Variants in GRM3 observed in about 807,000 individuals in gnomAD.
GRM3 encodes the protein glutamate metabotropic receptor 3, also known as metabotropic glutamate receptor 3.
In GRM3, 26 loss-of-function variants were observed where a neutral mutation model predicts 70.5. The ratio of observed to expected loss-of-function variants is 0.37; its 90% confidence interval spans 0.27 to 0.51. The LOEUF is 0.51. GRM3 is among the 20% of genes least tolerant of loss of function. The probability of loss-of-function intolerance (pLI) is 0.93; values close to 1 mark genes in which losing one functional copy is unlikely to be tolerated. For missense variants in GRM3, 859 were observed against 1,123.8 expected (o/e 0.76, Z 3.37); for synonymous variants, 443 against 434.9 (o/e 1.02, Z -0.23).
chr7:86,768,659 A>G (rs753876605), intron 2 of GRM3, among the ~76,000 whole-genome samples: 1 of 152,146 alleles, frequency 6.6e-6, no homozygotes, highest in Non-Finnish European at 1.5e-5. Context: ...GAAGAGGCCA[A>G]TCAGAAAACT....
intron 1 of GRM3, among the ~76,000 whole-genome samples, chr7:86,763,484 T>C (rs1796529613): frequency 6.6e-6 from 1 of 152,150 alleles, no homozygotes; most frequent in Non-Finnish European, 1.5e-5. Context: ...CATAGGTTCA[T>C]GTGTGCATGC....
intron 1 of GRM3, among the ~76,000 whole-genome samples, chr7:86,754,860 A>C (rs1796307632): frequency 6.6e-6 from 1 of 152,060 alleles, no homozygotes; most frequent in Admixed American, 6.6e-5. Flanking sequence ...TTGGCTCTGC[A>C]TTTCTCTGTG....
intron 1 of GRM3, among the ~76,000 whole-genome samples, chr7:86,762,241 TA>T (rs1796497354): frequency 6.6e-6 from 1 of 152,114 alleles, no homozygotes; most frequent in Non-Finnish European, 1.5e-5. Flanking sequence ...TTATTATTAT[TA>T]GACTTTCTGG....
At chr7:86,819,958 T>A (rs1286881374) in intron 3 of GRM3, among the ~76,000 whole-genome samples, 3 of 152,188 alleles carry the variant, frequency 2.0e-5, no homozygotes, top group Admixed American at 2.0e-4. Flanking sequence ...ATATCCTTTC[T>A]ACCTTTCCAA....
intron 1 of GRM3, among the ~76,000 whole-genome samples, chr7:86,745,552 T>A (rs1796082247): frequency 6.6e-6 from 1 of 152,092 alleles, no homozygotes; most frequent in Non-Finnish European, 1.5e-5. Flanking sequence ...CCACATAGTC[T>A]CACTAAGCCT....
intron 1 of GRM3, among the ~76,000 whole-genome samples, chr7:86,733,236 C>G (rs1795779179): frequency 6.6e-6 from 1 of 151,768 alleles, no homozygotes; most frequent in African/African-American, 2.4e-5. Context: ...ATGGCAGGAA[C>G]CCAGGAGGTG....
chr7:86,814,359 T>C (rs1002814975), intron 3 of GRM3, among the ~76,000 whole-genome samples: 2 of 151,784 alleles, frequency 1.3e-5, no homozygotes, highest in Admixed American at 6.6e-5. Flanking sequence ...ATATTTGTTG[T>C]CTTTTATCTC....
At chr7:86,826,109 A>G (rs1257591251) in intron 3 of GRM3, among the ~76,000 whole-genome samples, 1 of 152,232 alleles carries the variant, frequency 6.6e-6, no homozygotes, top group Non-Finnish European at 1.5e-5. Context: ...ACTATATGAC[A>G]GTCACATTAA....
chr7:86,751,699 C>T (rs889107525), intron 1 of GRM3, among the ~76,000 whole-genome samples: 5 of 152,080 alleles, frequency 3.3e-5, no homozygotes, highest in Non-Finnish European at 5.9e-5. Flanking sequence ...TTGTCATTTA[C>T]ACCCAGACTC....
intron 3 of GRM3, among the ~76,000 whole-genome samples, chr7:86,792,446 G>A (rs1056526635): frequency 6.6e-6 from 1 of 152,122 alleles, no homozygotes; most frequent in East Asian, 1.9e-4. Context: ...TGTCACGTAG[G>A]CATTATCTCA....
At chr7:86,808,639 G>C (rs1797846921) in intron 3 of GRM3, among the ~76,000 whole-genome samples, 1 of 151,968 alleles carries the variant, frequency 6.6e-6, no homozygotes, top group Non-Finnish European at 1.5e-5. Context: ...TGTTAGAATT[G>C]GGGTGGAGGG....
intron 5 of GRM3, among the ~76,000 whole-genome samples, chr7:86,855,588 G>A (rs553875830): frequency 1.9e-4 from 29 of 152,172 alleles, no homozygotes; most frequent in Non-Finnish European, 3.1e-4. Flanking sequence ...AGGTGGTAAT[G>A]TGTGAACTGT....
Position 86,765,036 on chromosome 7 carries a change from C to G in GRM3, c.-110C>G. On this transcript the variant is annotated 5_prime_UTR_variant, in exon 2 of 6. Transcript: ENST00000361669. Reference sequence around the variant, plus strand: ...TTGTGACAGGCTCTGTTAGTCTGTTCCTCCCTTATTTGAAGGACAGGCCAA... The same window carrying G: ...TTGTGACAGGCTCTGTTAGTCTGTTGCTCCCTTATTTGAAGGACAGGCCAA... 6.7e-7 allele frequency: 1 copy of G among 1,487,408 alleles called. No individual in the cohort carries two copies. The highest frequency in any genetic ancestry group is 8.9e-7 in the Non-Finnish European group (1 of 1,127,020). 92.1% of individuals were successfully genotyped at this position (1,487,408 alleles called of 1,614,324 possible).
intron 1 of GRM3, among the ~76,000 whole-genome samples, chr7:86,737,179 C>T (rs1026750012): frequency 1.3e-5 from 2 of 152,118 alleles, no homozygotes; most frequent in African/African-American, 4.8e-5. Flanking sequence ...GAGATAAAGA[C>T]CTAGGTCTGA....
At chr7:86,832,245 CTTTTT>C (rs371453726) in intron 3 of GRM3, among the ~76,000 whole-genome samples, 3 of 112,342 alleles carry the variant, frequency 2.7e-5, no homozygotes, top group South Asian at 2.8e-4. Context: ...TGCTTGTAGC[CTTTTT>C]TTTTTTTTTT....
At chr7:86,761,342 C>G (rs183789946) in intron 1 of GRM3, among the ~76,000 whole-genome samples, 1 of 152,072 alleles carries the variant, frequency 6.6e-6, no homozygotes, top group African/African-American at 2.4e-5. Flanking sequence ...CTACATCTCT[C>G]CTGGCTTCCT....
intron 1 of GRM3, among the ~76,000 whole-genome samples, chr7:86,678,972 T>G (rs1794373660): frequency 6.6e-6 from 1 of 152,100 alleles, no homozygotes; most frequent in Admixed American, 6.6e-5. Flanking sequence ...TTCACATAGC[T>G]TTTGGAAAAG....
chr7:86,722,179 A>G (rs922837814), intron 1 of GRM3, among the ~76,000 whole-genome samples: 27 of 152,064 alleles, frequency 1.8e-4, no homozygotes, highest in African/African-American at 6.3e-4. Context: ...TTGATTCATT[A>G]TATCTTGGGT....
intron 3 of GRM3, among the ~76,000 whole-genome samples, chr7:86,797,914 G>C (rs1797590013): frequency 6.6e-6 from 1 of 152,168 alleles, no homozygotes. Context: ...GCTAAAAGGG[G>C]CCAATGTAGA....
Sources: allele counts gnomAD v4.1 joint callset (sites outside exome capture counted in the v4.1 genomes callset), GRCh38; gene constraint gnomAD v4.1.1; transcripts MANE v1.5; gene names NCBI Gene and HGNC (gene_info 2026-07-23, HGNC 2026-07-21).